Variants in CABP1 observed in about 807,000 individuals in gnomAD.
CABP1 encodes calcium binding protein 1.
In CABP1, 17 loss-of-function variants were observed where a neutral mutation model predicts 34.3. The observed-to-expected ratio is 0.50, with a 90% CI of 0.34 to 0.74. The LOEUF (loss-of-function observed/expected upper bound fraction) is 0.74, where lower values mean the gene tolerates loss of function less well. Ranked by LOEUF, CABP1 falls within the 30% of genes least tolerant of loss-of-function variation. The pLI, the probability that CABP1 is intolerant of heterozygous loss-of-function variation, is 0.01. For synonymous variants in CABP1, 198 were observed against 229.2 expected (o/e 0.86, Z 1.23); for missense variants, 373 against 511.1 (o/e 0.73, Z 2.61).
chr12:120,665,796 C>T (rs995384779), intron 5 of CABP1, among the ~76,000 whole-genome samples: 12 of 149,266 alleles, frequency 8.0e-5, no homozygotes, highest in Non-Finnish European at 1.3e-4. Flanking sequence ...CCGAGGTGGG[C>T]GGATCACGAG....
chr12:120,659,846 C>A, intron 1 of CABP1, 32 bp from the exon 2 acceptor site: 1 of 1,609,918 alleles, frequency 6.2e-7, no homozygotes, highest in Non-Finnish European at 8.5e-7. Context: ...GGTCCCTTGT[C>A]GCGGCTAATA....
chr12:120,662,850 A>G (rs1880742779), intron 5 of CABP1, among the ~76,000 whole-genome samples: 1 of 151,084 alleles, frequency 6.6e-6, no homozygotes, highest in South Asian at 2.1e-4. Flanking sequence ...ACGTCCAGCT[A>G]GTTTTTGTAT....
chr12:120,649,056 C>T (rs924801048), intron 1 of CABP1, among the ~76,000 whole-genome samples: 2 of 151,926 alleles, frequency 1.3e-5, no homozygotes, highest in Non-Finnish European at 2.9e-5. Context: ...GCCCCCCAGG[C>T]TCCTCCTCCT....
intron 1 of CABP1, among the ~76,000 whole-genome samples, chr12:120,643,075 T>C (rs939077296): frequency 6.6e-6 from 1 of 151,568 alleles, no homozygotes; most frequent in Non-Finnish European, 1.5e-5. Flanking sequence ...CTCCGAGCAT[T>C]GTAGCGACGT....
intron 1 of CABP1, chr12:120,650,600 G>A (rs766739871): frequency 1.9e-6 from 3 of 1,613,662 alleles, no homozygotes; most frequent in South Asian, 2.2e-5. Flanking sequence ...CCTCCTTCAT[G>A]GACCCGGGGA....
intron 5 of CABP1, among the ~76,000 whole-genome samples, chr12:120,665,086 G>A (rs1247440813): frequency 6.6e-6 from 1 of 151,860 alleles, no homozygotes; most frequent in African/African-American, 2.4e-5. Flanking sequence ...GGGGAGGGAG[G>A]GATGAATAGG....
rs909792575 is a variant in CABP1 at position 120,661,418 on chromosome 12, C to T, written c.1087+200C>T. On this transcript the variant is annotated intron_variant, in intron 5 of 5. Coordinates refer to ENST00000316803, the MANE Select transcript of CABP1 (RefSeq NM_001033677.2). This position sits in a 1 kb window ranked among gnomAD's most constrained non-coding sequence, Gnocchi z 5.1. ...CCATGCATCTATTCATGCATCTGTC[C>T]ATCCATCTATCCATCCTCTACCTTT... is the stretch of plus-strand genomic sequence containing the variant. 4 of 575,608 alleles carry T rather than the reference C, an allele frequency of 6.9e-6. No homozygotes were observed. Among genetic ancestry groups the T allele is most frequent in the Non-Finnish European group, 1.2e-5 (4 of 327,468 alleles). The allele number at this position is 575,608 out of a possible 1,614,324, so 35.7% of individuals were successfully genotyped here. A position where few individuals can be genotyped will look rare whatever the true frequency, so the allele number is the denominator to read the frequency against.
At position 120,660,252 on chromosome 12, in the gene CABP1, C is replaced by G; in HGVS notation, c.742C>G (p.Arg248Gly). 2 of 1,614,166 alleles carry G rather than the reference C, an allele frequency of 1.2e-6. No individual in the cohort carries two copies. Among genetic ancestry groups the G allele is most frequent in the Non-Finnish European group, 1.7e-6 (2 of 1,180,016 alleles). ...GGACAAGGATGGCTACATCAACTGC[C>G]GGGATCTGGGCAACTGCATGCGCAC... ...DKDKDGYINC[R>G]DLGNCMRTMG... The change falls in exon 3 of 6, where the codon CGG becomes GGG. Residue 248 changes from arginine (R) to glycine (G), a missense_variant. Transcript: ENST00000316803. The surrounding 1 kb of genome is among the most constrained non-coding windows in gnomAD (Gnocchi z 5.0).
chr12:120,675,029 T>C, the CABP1 span, among the ~76,000 whole-genome samples: 1 of 151,764 alleles, frequency 6.6e-6, no homozygotes, highest in Admixed American at 6.6e-5. Flanking sequence ...TCACTGTTTA[T>C]TTTTATTTTT....
intron 5 of CABP1, among the ~76,000 whole-genome samples, chr12:120,665,817 C>T (rs953798210): frequency 4.0e-5 from 6 of 150,650 alleles, no homozygotes; most frequent in African/African-American, 9.8e-5. Context: ...GTCAGGAGAT[C>T]GAGACCATCC....
rs2137379640 is a variant in CABP1, at chr12:120,666,932, T to C, written c.*32T>C. ...GAGGGCCCCTCCAGGACTGCCAAGC[T>C]CCCAAAGGCGGGGCTAAGAGGAGCT... On this transcript the variant is annotated 3_prime_UTR_variant, in exon 6 of 6. Transcript: ENST00000316803. The C allele has an allele frequency of 1.3e-6, 2 of 1,593,684 alleles. No homozygotes were observed. Among genetic ancestry groups the C allele is most frequent in the Non-Finnish European group, 1.7e-6 (2 of 1,175,018 alleles).
intron 5 of CABP1, among the ~76,000 whole-genome samples, chr12:120,663,571 C>T (rs1880789887): frequency 6.6e-6 from 1 of 152,092 alleles, no homozygotes; most frequent in Non-Finnish European, 1.5e-5. Flanking sequence ...CCACCGCGCC[C>T]AGCCTCAAAG....
intron 1 of CABP1, among the ~76,000 whole-genome samples, chr12:120,657,525 G>A (rs1880312361): frequency 6.6e-6 from 1 of 152,190 alleles, no homozygotes; most frequent in Non-Finnish European, 1.5e-5. Flanking sequence ...CCAGCCACAT[G>A]TACTGGGGAG....
chr12:120,673,885 C>T, the CABP1 span, among the ~76,000 whole-genome samples: 3 of 152,134 alleles, frequency 2.0e-5, no homozygotes, highest in South Asian at 2.1e-4. Flanking sequence ...CAGTAAGCAT[C>T]GTAAATGTTT....
At position 120,661,155 on chromosome 12, in the gene CABP1, C is replaced by T; in HGVS notation, c.1024C>T (p.Arg342Ter). 3 of 1,613,200 alleles carry T rather than the reference C, an allele frequency of 1.9e-6. No homozygotes were observed. The highest frequency in any genetic ancestry group is 2.5e-6 in the Non-Finnish European group (3 of 1,179,988). The change falls in exon 5 of 6, where the codon CGA becomes TGA. Residue 342 changes from arginine to a stop codon, truncating the protein, a stop_gained. Coordinates refer to ENST00000316803, the MANE Select transcript of CABP1 (RefSeq NM_001033677.2). LOFTEE classifies it high-confidence loss of function. This position sits in a 1 kb window ranked among gnomAD's most constrained non-coding sequence, Gnocchi z 5.1. ...GCTCCTGGGTCATCAGGTGGGACAC[C>T]GAGACATAGAGGAAATTATCCGAGA... ...RKLLGHQVGHRDIEEIIRDVD... is the reference protein window; with the variant it reads ...RKLLGHQVGH
At chr12:120,643,812 T>C (rs1405888230) in intron 1 of CABP1, among the ~76,000 whole-genome samples, 1 of 152,180 alleles carries the variant, frequency 6.6e-6, no homozygotes, top group African/African-American at 2.4e-5. Context: ...AGAGAGAGCT[T>C]GGCCCAGGCC....
chr12:120,666,765 G>A (rs1031120866), intron 5 of CABP1, 110 bp from the exon 6 acceptor site: 2 of 1,199,508 alleles, frequency 1.7e-6, no homozygotes, highest in East Asian at 2.5e-5. Context: ...GGAATGGATG[G>A]GGGACCAGCA....
Position 120,660,333 on chromosome 12 carries a change from A to G in CABP1, c.823A>G (p.Met275Val), listed in dbSNP as rs770375790. 8 of 1,612,592 alleles carry G rather than the reference A, an allele frequency of 5.0e-6. No homozygotes were observed. The highest frequency in any genetic ancestry group is 6.8e-6 in the Non-Finnish European group (8 of 1,179,866). The change falls in exon 3 of 6, where the codon ATG becomes GTG. Residue 275 changes from methionine to valine, a missense_variant. Physicochemically the swap from Met to Val is conservative, Grantham distance 21. This residue lies in a region of CABP1 where 109 missense variants were observed against 204.8 expected (regional missense o/e 0.53). Coordinates refer to ENST00000316803, the MANE Select transcript of CABP1 (RefSeq NM_001033677.2). This position sits in a 1 kb window ranked among gnomAD's most constrained non-coding sequence, Gnocchi z 5.0. ...CATCGAACTGTCCCAGCAGATCAAC[A>G]TGAACCGTGAGTCCCTCTACCAGGC... is the stretch of plus-strand genomic sequence containing the variant. ...ELIELSQQIN[M>V]NLGGHVDFDD... is the part of the protein sequence containing the mutation.
chr12:120,642,995 G>GAAAACAAAA (rs1879405919), intron 1 of CABP1, among the ~76,000 whole-genome samples: 1 of 69,502 alleles, frequency 1.4e-5, no homozygotes, highest in South Asian at 6.2e-4. Context: ...CTCAGCTCCT[G>GAAAACAAAA]AAAAAAAAAA....
Sources: allele counts gnomAD v4.1 joint callset (sites outside exome capture counted in the v4.1 genomes callset), GRCh38; gene constraint gnomAD v4.1.1; regional missense constraint gnomAD v4.1.1; non-coding constraint Gnocchi (gnomAD v3.1); transcripts MANE v1.5; gene names NCBI Gene and HGNC (gene_info 2026-07-23, HGNC 2026-07-21).